Variants in WDR7 observed in about 807,000 individuals in gnomAD.
WDR7 encodes the protein WD repeat-containing protein 7.
WDR7 carries 46 observed loss-of-function variants against 169.4 expected under a neutral mutation model. That is an observed-to-expected ratio of 0.27 (90% CI 0.21 to 0.35). The LOEUF is 0.35. Ranked by LOEUF, WDR7 falls within the 10% of genes least tolerant of loss-of-function variation. The probability of loss-of-function intolerance (pLI) is 1.00; values close to 1 mark genes in which losing one functional copy is unlikely to be tolerated. For synonymous variants in WDR7, 612 were observed against 666.8 expected (o/e 0.92, Z 1.27); for missense variants, 1,534 against 1,859.3 (o/e 0.83, Z 3.22).
chr18:56,930,203 C>T (rs2046862524), intron 22 of WDR7, among the ~76,000 whole-genome samples: 1 of 152,214 alleles, frequency 6.6e-6, no homozygotes, highest in Non-Finnish European at 1.5e-5. Flanking sequence ...ACCACACATG[C>T]TTTGATGACA....
intron 20 of WDR7, among the ~76,000 whole-genome samples, chr18:56,832,389 G>T (rs1220057424): frequency 6.6e-6 from 1 of 152,200 alleles, no homozygotes; most frequent in Non-Finnish European, 1.5e-5. Context: ...AGCACCCGGG[G>T]AAAGGGGCGG....
chr18:56,964,934 T>C (rs1009713580), intron 26 of WDR7, among the ~76,000 whole-genome samples: 6 of 152,186 alleles, frequency 3.9e-5, no homozygotes, highest in African/African-American at 1.4e-4. Context: ...CTCTTAATTC[T>C]TTTATTTTAC....
chr18:57,020,683 G>A (rs1599253018), intron 26 of WDR7, 62 bp from the exon 27 acceptor site: 3 of 1,458,152 alleles, frequency 2.1e-6, no homozygotes, highest in East Asian at 2.3e-5. Context: ...ATGCATTTGT[G>A]TGTGTACTTG....
intron 20 of WDR7, among the ~76,000 whole-genome samples, chr18:56,865,215 T>C (rs1222937678): frequency 6.6e-6 from 1 of 152,032 alleles, no homozygotes; most frequent in Non-Finnish European, 1.5e-5. Context: ...GAGTGAATGA[T>C]GGCTAATGAT....
intron 7 of WDR7, among the ~76,000 whole-genome samples, chr18:56,689,301 C>A (rs2144609013): frequency 6.6e-6 from 1 of 152,242 alleles, no homozygotes; most frequent in South Asian, 2.1e-4. Flanking sequence ...CTTGCTGTCG[C>A]CCAGGCTGGA....
chr18:56,959,874 C>G (rs1249241595), intron 25 of WDR7, among the ~76,000 whole-genome samples: 1 of 152,152 alleles, frequency 6.6e-6, no homozygotes, highest in Non-Finnish European at 1.5e-5. Context: ...ACATGGAGGA[C>G]TGGCTCCAGG....
intron 21 of WDR7, among the ~76,000 whole-genome samples, chr18:56,916,424 A>G (rs894956899): frequency 1.3e-5 from 2 of 152,118 alleles, no homozygotes; most frequent in East Asian, 3.9e-4. Flanking sequence ...AGCTTCATCC[A>G]TATCCCTACA....
chr18:56,687,671 G>A (rs2025470476), intron 7 of WDR7, among the ~76,000 whole-genome samples: 1 of 152,116 alleles, frequency 6.6e-6, no homozygotes, highest in African/African-American at 2.4e-5. Context: ...CTGTAGCCCA[G>A]GCTGGAGTGC....
At chr18:56,999,934 A>C (rs945381869) in intron 26 of WDR7, among the ~76,000 whole-genome samples, 1 of 152,170 alleles carries the variant, frequency 6.6e-6, no homozygotes, top group Admixed American at 6.5e-5. Context: ...TCTCCTGTCA[A>C]CAAAATTCCC....
intron 26 of WDR7, among the ~76,000 whole-genome samples, chr18:56,990,904 C>T (rs573345664): frequency 2.1e-4 from 32 of 152,170 alleles, no homozygotes; most frequent in East Asian, 5.8e-4. Flanking sequence ...TTCCCCATTC[C>T]GGGTTCTCTT....
intron 14 of WDR7, among the ~76,000 whole-genome samples, chr18:56,749,158 ATATAC>A (rs1391219609): frequency 6.6e-6 from 1 of 151,832 alleles, no homozygotes; most frequent in Non-Finnish European, 1.5e-5. Flanking sequence ...TATTCAATAA[ATATAC>A]TAAATCAAGA....
At chr18:56,776,512 A>G (rs1158851165) in intron 16 of WDR7, among the ~76,000 whole-genome samples, 1 of 151,938 alleles carries the variant, frequency 6.6e-6, no homozygotes, top group Admixed American at 6.6e-5. Flanking sequence ...TTTTAGAGCT[A>G]TGTTTTGCAT....
intron 21 of WDR7, among the ~76,000 whole-genome samples, chr18:56,888,959 A>C (rs1235962563): frequency 6.6e-6 from 1 of 152,212 alleles, no homozygotes; most frequent in Non-Finnish European, 1.5e-5. Context: ...TGGAGCTGGG[A>C]TGACCCTTCA....
intron 25 of WDR7, among the ~76,000 whole-genome samples, chr18:56,961,543 G>A (rs1199713242): frequency 1.3e-5 from 2 of 152,158 alleles, no homozygotes; most frequent in East Asian, 3.9e-4. Flanking sequence ...ACTATTCGCA[G>A]ATATAAAATT....
At chr18:56,722,271 A>T (rs976950567) in intron 13 of WDR7, among the ~76,000 whole-genome samples, 1 of 152,154 alleles carries the variant, frequency 6.6e-6, no homozygotes, top group Non-Finnish European at 1.5e-5. Flanking sequence ...TTTTATTTTG[A>T]TACATTTAAA....
chr18:56,858,102 T>C (rs1413173265), intron 20 of WDR7, among the ~76,000 whole-genome samples: 2 of 152,222 alleles, frequency 1.3e-5, no homozygotes, highest in Admixed American at 6.5e-5. Flanking sequence ...AGCTGCTTGC[T>C]AGACTTCTCC....
At chr18:56,852,484 T>G (rs2045655440) in intron 20 of WDR7, among the ~76,000 whole-genome samples, 1 of 152,236 alleles carries the variant, frequency 6.6e-6, no homozygotes, top group African/African-American at 2.4e-5. Context: ...TCTGGCTATA[T>G]CATGTAAGAA....
chr18:56,694,210 G>T (rs1435668098), intron 9 of WDR7, among the ~76,000 whole-genome samples: 1 of 152,112 alleles, frequency 6.6e-6, no homozygotes, highest in African/African-American at 2.4e-5. Flanking sequence ...AAAAAAGCAG[G>T]AATAGTGAGT....
intron 11 of WDR7, 93 bp from the exon 12 acceptor site, chr18:56,696,149 T>C (rs2025698251): frequency 9.6e-7 from 1 of 1,044,082 alleles, no homozygotes; most frequent in Non-Finnish European, 1.4e-6. Flanking sequence ...TGATATAATT[T>C]GTAGCTATTC....
Sources: allele counts gnomAD v4.1 joint callset (sites outside exome capture counted in the v4.1 genomes callset), GRCh38; gene constraint gnomAD v4.1.1; transcripts MANE v1.5; gene names NCBI Gene and HGNC (gene_info 2026-07-23, HGNC 2026-07-21).